ALK: variants seen among roughly 807,000 people sequenced by gnomAD.
ALK encodes ALK tyrosine kinase receptor.
In ALK, 74 loss-of-function variants were observed where a neutral mutation model predicts 163.1. The observed-to-expected ratio is 0.45, with a 90% CI of 0.38 to 0.55. The LOEUF (loss-of-function observed/expected upper bound fraction) is 0.55. Ranked by LOEUF, ALK falls within the 20% of genes least tolerant of loss-of-function variation. The pLI is 0.00. For synonymous variants in ALK, 960 were observed against 843.2 expected, an observed-to-expected ratio of 1.14 and a Z score of -2.40; for missense variants, 2,063 against 2,105.3, an observed-to-expected ratio of 0.98 and a Z score of 0.39.
chr2:29,314,386 T>G (rs761129879), intron 8 of ALK, among the ~76,000 whole-genome samples: 7 of 152,132 alleles, frequency 4.6e-5, no homozygotes, highest in Non-Finnish European at 8.8e-5. Flanking sequence ...TCCCCACAGC[T>G]AATCCAACCT....
intron 4 of ALK, among the ~76,000 whole-genome samples, chr2:29,454,104 G>A (rs896351075): frequency 2.0e-5 from 3 of 152,184 alleles, no homozygotes; most frequent in Non-Finnish European, 2.9e-5. Context: ...GCATATGTGA[G>A]TCTCTACAGA....
Position 29,579,393 on chromosome 2 carries a change from G to A in ALK, c.953-47277C>T, listed in dbSNP as rs117842053. 5.9e-5 allele frequency among the ~76,000 whole-genome samples: 9 copies of A among 152,264 alleles called. No individual in the cohort carries two copies. In the East Asian group the frequency reaches 1.7e-3, roughly 29 times the overall value. ...TCCGCTCTTCCTTTGTATCCCACAA[G>A]CTTCAGAGGCCTTAAAGATCCCCAT... On this transcript the variant is annotated intron_variant, in intron 3 of 28. Transcript: ENST00000389048.
intron 11 of ALK, among the ~76,000 whole-genome samples, chr2:29,274,263 A>T (rs114495703): frequency 6.6e-6 from 1 of 152,272 alleles, no homozygotes; most frequent in African/African-American, 2.4e-5. Context: ...ATTTCACATT[A>T]TAAGTTGAAA....
intron 3 of ALK, among the ~76,000 whole-genome samples, chr2:29,689,617 G>A (rs531534580): frequency 2.0e-5 from 3 of 152,154 alleles, no homozygotes; most frequent in Non-Finnish European, 2.9e-5. Context: ...CAACCCAGAC[G>A]CAGGGGGAGA....
chr2:29,879,535 C>A (rs541680297), intron 1 of ALK, among the ~76,000 whole-genome samples: 5 of 152,222 alleles, frequency 3.3e-5, no homozygotes, highest in Non-Finnish European at 5.9e-5. Context: ...GCATCAGACA[C>A]CTCCCAAACA....
intron 2 of ALK, among the ~76,000 whole-genome samples, chr2:29,705,830 G>A (rs1240100891): frequency 3.3e-5 from 5 of 152,138 alleles, no homozygotes; most frequent in East Asian, 1.9e-4. Context: ...AATGATGCGC[G>A]TCATTGCTGT....
chr2:29,234,455 T>G (rs1010047506), intron 13 of ALK, among the ~76,000 whole-genome samples: 3 of 152,134 alleles, frequency 2.0e-5, no homozygotes, highest in African/African-American at 7.2e-5. Flanking sequence ...TCCCAGTTCT[T>G]CTCTGGGAAG....
intron 1 of ALK, among the ~76,000 whole-genome samples, chr2:29,786,599 C>T (rs1664031839): frequency 6.6e-6 from 1 of 152,172 alleles, no homozygotes; most frequent in Non-Finnish European, 1.5e-5. Context: ...GTGTACTGTG[C>T]TGGGTGAGGC....
At chr2:29,496,404 T>C (rs1185808910) in intron 4 of ALK, among the ~76,000 whole-genome samples, 1 of 152,250 alleles carries the variant, frequency 6.6e-6, no homozygotes, top group South Asian at 2.1e-4. Flanking sequence ...TCACTGCATA[T>C]GGCAGTGCAG....
chr2:29,291,189 C>T (rs1384280149), intron 9 of ALK, among the ~76,000 whole-genome samples: 1 of 151,798 alleles, frequency 6.6e-6, no homozygotes, highest in Non-Finnish European at 1.5e-5. Flanking sequence ...ATAGCAAGAC[C>T]CTGTCTGTAC....
intron 4 of ALK, among the ~76,000 whole-genome samples, chr2:29,507,851 C>T (rs1384117179): frequency 1.3e-5 from 2 of 152,156 alleles, no homozygotes. Flanking sequence ...TATCTGAAGG[C>T]CTGTTCACCA....
intron 1 of ALK, among the ~76,000 whole-genome samples, chr2:29,914,759 A>C (rs1667788408): frequency 6.6e-6 from 1 of 152,220 alleles, no homozygotes; most frequent in Non-Finnish European, 1.5e-5. Context: ...TAGCAAGGAT[A>C]CTGGAAATTT....
intron 5 of ALK, among the ~76,000 whole-genome samples, chr2:29,328,925 G>C (rs531899167): frequency 6.6e-6 from 1 of 152,306 alleles, no homozygotes; most frequent in East Asian, 1.9e-4. Flanking sequence ...TTGACCCCAG[G>C]TTCTACCACT....
At chr2:29,240,019 A>T (rs1046810707) in intron 12 of ALK, among the ~76,000 whole-genome samples, 189 bp from the exon 13 acceptor site, 1 of 152,180 alleles carries the variant, frequency 6.6e-6, no homozygotes, top group African/African-American at 2.4e-5. Context: ...TTAGAGAGGG[A>T]CAGGGAGTTG....
At chr2:29,286,357 T>TG (rs1665856583) in intron 9 of ALK, 1 of 152,198 alleles carries the variant, frequency 6.6e-6, no homozygotes, top group Non-Finnish European at 1.5e-5. Flanking sequence ...CTTGATTCCC[T>TG]GTCTTGCCCA....
At chr2:29,288,955 A>AAAATAAAT (rs1179785867) in intron 9 of ALK, among the ~76,000 whole-genome samples, 14 of 26,822 alleles carry the variant, frequency 5.2e-4, no homozygotes, top group African/African-American at 7.2e-4. Flanking sequence ...CCTTCTCAAA[A>AAAATAAAT]AAATAAATAA....
intron 5 of ALK, among the ~76,000 whole-genome samples, chr2:29,370,135 T>C (rs1442304834): frequency 1.3e-5 from 2 of 152,142 alleles, no homozygotes; most frequent in Non-Finnish European, 2.9e-5. Flanking sequence ...CCTGTCACTT[T>C]CTGCTTTCTC....
intron 11 of ALK, among the ~76,000 whole-genome samples, chr2:29,265,435 A>G (rs928609742): frequency 6.6e-6 from 1 of 152,186 alleles, no homozygotes; most frequent in East Asian, 1.9e-4. Flanking sequence ...AGTTAGTAGG[A>G]TCACGATCAT....
chr2:29,495,019 T>C (rs752496386), intron 4 of ALK, among the ~76,000 whole-genome samples: 2 of 152,348 alleles, frequency 1.3e-5, no homozygotes, highest in South Asian at 4.1e-4. Flanking sequence ...TATGATGCTT[T>C]CACCCAAGAT....
Sources: allele counts gnomAD v4.1 joint callset (sites outside exome capture counted in the v4.1 genomes callset), GRCh38; gene constraint gnomAD v4.1.1; transcripts MANE v1.5; gene names NCBI Gene and HGNC (gene_info 2026-07-23, HGNC 2026-07-21).